HMGCLL1: variants seen among roughly 807,000 people sequenced by gnomAD.
HMGCLL1 encodes 3-hydroxy-3-methylglutaryl-CoA lyase like 1.
A neutral mutation model predicts 39.1 loss-of-function variants in HMGCLL1; 36 were observed. That is an observed-to-expected ratio of 0.92 (90% CI 0.71 to 1.22). The LOEUF is 1.22. Ranked by LOEUF, HMGCLL1 falls within the 50% of genes most tolerant of loss-of-function variation. The pLI, the probability that HMGCLL1 is intolerant of heterozygous loss-of-function variation, is 0.00. For missense variants in HMGCLL1, 451 were observed against 416.5 expected (o/e 1.08, Z -0.72); for synonymous variants, 149 against 144.0 (o/e 1.03, Z -0.25).
the HMGCLL1 span, among the ~76,000 whole-genome samples, chr6:55,600,121 G>A: frequency 6.6e-6 from 1 of 152,024 alleles, no homozygotes; most frequent in African/African-American, 2.4e-5. Flanking sequence ...TTTAACAAAT[G>A]TAGTTGAGAG....
At chr6:55,631,304 T>C in the HMGCLL1 span, among the ~76,000 whole-genome samples, 2 of 152,054 alleles carry the variant, frequency 1.3e-5, no homozygotes, top group East Asian at 3.9e-4. Flanking sequence ...TATGAAGACT[T>C]TTTTTTATAT....
chr6:55,584,249 T>C, the HMGCLL1 span, among the ~76,000 whole-genome samples: 1 of 152,156 alleles, frequency 6.6e-6, no homozygotes, highest in African/African-American at 2.4e-5. Context: ...ATTTGTTCCA[T>C]AATTTTCAAT....
chr6:55,543,476 T>G (rs1284346321), intron 1 of HMGCLL1, among the ~76,000 whole-genome samples: 1,462 of 8,820 alleles, frequency 0.17, 59 homozygotes, highest in African/African-American at 0.22. Flanking sequence ...ATATCATATA[T>G]AATATATATA....
At chr6:55,659,378 A>C in the HMGCLL1 span, among the ~76,000 whole-genome samples, 1 of 151,948 alleles carries the variant, frequency 6.6e-6, no homozygotes, top group Non-Finnish European at 1.5e-5. Flanking sequence ...CTGGGCTGAA[A>C]ATTAAAATTT....
intron 7 of HMGCLL1, among the ~76,000 whole-genome samples, chr6:55,481,668 A>G (rs1020571929): frequency 4.4e-4 from 2 of 4,596 alleles, no homozygotes; most frequent in Non-Finnish European, 1.4e-3. Context: ...CTTAGTTCCA[A>G]CCTATTTTTT....
At chr6:55,628,144 C>CTATA in the HMGCLL1 span, among the ~76,000 whole-genome samples, 4 of 25,218 alleles carry the variant, frequency 1.6e-4, 1 homozygote, top group Non-Finnish European at 2.5e-4. Flanking sequence ...AGTATATATA[C>CTATA]TATATATATA....
the HMGCLL1 span, among the ~76,000 whole-genome samples, chr6:55,627,881 T>TTA: frequency 0.013 from 583 of 43,478 alleles, 87 homozygotes; most frequent in African/African-American, 0.055. Flanking sequence ...ATAAACTCCC[T>TTA]TATATATATA....
At chr6:55,627,911 A>ATATATATAGTATATATAC in the HMGCLL1 span, among the ~76,000 whole-genome samples, 3 of 1,816 alleles carry the variant, frequency 1.7e-3, no homozygotes, top group East Asian at 0.019. Context: ...TATATATACT[A>ATATATATAGTATATATAC]TATATATATA....
chr6:55,547,561 C>T (rs1175087313), intron 1 of HMGCLL1, among the ~76,000 whole-genome samples: 4 of 120,070 alleles, frequency 3.3e-5, no homozygotes, highest in Non-Finnish European at 5.5e-5. Flanking sequence ...TAAATAAGGT[C>T]TTTATGAATA....
intron 3 of HMGCLL1, among the ~76,000 whole-genome samples, chr6:55,534,170 G>C (rs1377192346): frequency 1.3e-5 from 2 of 152,008 alleles, no homozygotes; most frequent in African/African-American, 4.8e-5. Context: ...TTTAATTTGG[G>C]AGTTTTTTGT....
chr6:55,549,436 C>G (rs1278604119), intron 1 of HMGCLL1, among the ~76,000 whole-genome samples: 1 of 149,314 alleles, frequency 6.7e-6, no homozygotes, highest in Admixed American at 6.7e-5. Flanking sequence ...GCTTAATTTT[C>G]TGGGATAAAA....
chr6:55,557,184 G>T (rs1168697102), intron 1 of HMGCLL1, among the ~76,000 whole-genome samples: 2 of 152,132 alleles, frequency 1.3e-5, no homozygotes, highest in Non-Finnish European at 2.9e-5. Context: ...ATACTACATA[G>T]TCTTACACGA....
the HMGCLL1 span, among the ~76,000 whole-genome samples, chr6:55,660,046 C>T: frequency 6.6e-6 from 1 of 151,716 alleles, no homozygotes; most frequent in Admixed American, 6.6e-5. Flanking sequence ...GTGCTTTTAT[C>T]CTGGCTAGAT....
At chr6:55,640,685 T>C in the HMGCLL1 span, among the ~76,000 whole-genome samples, 1 of 151,732 alleles carries the variant, frequency 6.6e-6, no homozygotes. Flanking sequence ...TACATTATTC[T>C]TTAAAACATT....
chr6:55,449,335 ATTC>A (rs772083601), intron 7 of HMGCLL1, among the ~76,000 whole-genome samples: 9 of 152,206 alleles, frequency 5.9e-5, no homozygotes, highest in South Asian at 4.1e-4. Context: ...GACTACAAGC[ATTC>A]TTCTTCTTTA....
At chr6:55,549,400 G>GTGTGTGTC in intron 1 of HMGCLL1, among the ~76,000 whole-genome samples, 1 of 151,520 alleles carries the variant, frequency 6.6e-6, no homozygotes, top group Non-Finnish European at 1.5e-5. Context: ...GTGTGTGTGT[G>GTGTGTGTC]TGTGTGTCTG....
chr6:55,477,416 TTATCTTAA>T lies in HMGCLL1; in HGVS notation c.795+17995_795+18002del, dbSNP rs1485904451. On this transcript the variant is annotated intron_variant, in intron 7 of 8. Transcript: ENST00000274901. ...ATAATATATATTATCTAAATATATA[TTATCTTAA>T]TATATATTATATATTATATATATAA... Among the ~76,000 whole-genome samples the T allele has an allele frequency of 2.0e-4, 5 of 24,892 alleles. 1 individual carries two copies. The highest frequency in any genetic ancestry group is 4.6e-4 in the African/African-American group (1 of 2,182). The allele number at this position is 24,892 out of a possible 152,430, so 16.3% of individuals were successfully genotyped here. A position where few individuals can be genotyped will look rare whatever the true frequency, so the allele number is the denominator to read the frequency against.
chr6:55,605,911 G>C, the HMGCLL1 span, among the ~76,000 whole-genome samples: 28 of 152,090 alleles, frequency 1.8e-4, no homozygotes, highest in Non-Finnish European at 3.7e-4. Context: ...TAGGTGCTTT[G>C]TAATTTCCCT....
the HMGCLL1 span, among the ~76,000 whole-genome samples, chr6:55,619,563 GT>G: frequency 6.6e-6 from 1 of 151,956 alleles, no homozygotes; most frequent in East Asian, 1.9e-4. Flanking sequence ...AAAATTAATT[GT>G]TATGGGTATG....
Sources: gnomAD v4.1 joint callset for allele counts (sites outside exome capture counted in the v4.1 genomes callset) on GRCh38, gnomAD v4.1.1 for gene constraint, MANE v1.5 for transcripts, NCBI Gene and HGNC (gene_info 2026-07-23, HGNC 2026-07-21) for gene names.